ACAP2: variants seen among roughly 807,000 people sequenced by gnomAD.
The protein encoded by ACAP2 is arf-GAP with coiled-coil, ANK repeat and PH domain-containing protein 2.
A neutral mutation model predicts 115.8 loss-of-function variants in ACAP2; 39 were observed. That is an observed-to-expected ratio of 0.34 (90% CI 0.26 to 0.44). ACAP2 has a LOEUF of 0.44. Ranked by LOEUF, ACAP2 falls within the 20% of genes least tolerant of loss-of-function variation. The pLI is 1.00. For missense variants in ACAP2, 662 were observed against 927.6 expected (o/e 0.71, Z 3.72); for synonymous variants, 289 against 315.8 (o/e 0.92, Z 0.90).
chr3:195,365,905 G>C (rs1040861370), intron 4 of ACAP2, among the ~76,000 whole-genome samples: 1 of 149,752 alleles, frequency 6.7e-6, no homozygotes, highest in Non-Finnish European at 1.5e-5. Context: ...TAGGTGGCGC[G>C]ACCTTAGCTC....
At chr3:195,393,887 G>T (rs201392481) in intron 1 of ACAP2, among the ~76,000 whole-genome samples, 21 of 136,626 alleles carry the variant, frequency 1.5e-4, no homozygotes, top group African/African-American at 4.5e-4. Flanking sequence ...ATTATATTGG[G>T]GGGGGGGGAA....
chr3:195,288,204 G>T (rs1489397421), intron 21 of ACAP2, among the ~76,000 whole-genome samples: 2 of 152,012 alleles, frequency 1.3e-5, no homozygotes, highest in Non-Finnish European at 2.9e-5. Context: ...TGGGCTTTAG[G>T]GCCACAATTC....
intron 1 of ACAP2, among the ~76,000 whole-genome samples, chr3:195,420,602 C>T (rs1298214495): frequency 1.3e-5 from 2 of 151,936 alleles, no homozygotes; most frequent in Non-Finnish European, 2.9e-5. Context: ...CTCGGCCTCC[C>T]AAAGTGCTGG....
intron 4 of ACAP2, among the ~76,000 whole-genome samples, chr3:195,347,910 A>C (rs965338956): frequency 8.5e-5 from 13 of 152,052 alleles, no homozygotes; most frequent in Non-Finnish European, 1.8e-4. Context: ...TATTCAAGAG[A>C]CTAAGGCAAG....
chr3:195,278,140 T>C lies in ACAP2; in HGVS notation c.*1188A>G, dbSNP rs1305396316. The C allele has an allele frequency of 6.6e-6, 1 of 151,382 alleles. No homozygotes were observed. The highest frequency in any genetic ancestry group is 1.5e-5 in the Non-Finnish European group (1 of 67,878). 9.4% of individuals were successfully genotyped at this position (151,382 alleles called of 1,614,324 possible). A position where few individuals can be genotyped will look rare whatever the true frequency, so the allele number is the denominator to read the frequency against. ...TTATACTTTAAGACATTTTCAAAGA[T>C]GGAATCAGACTAATTTGTAGCATAT... is the stretch of plus-strand genomic sequence containing the variant. On this transcript the variant is annotated 3_prime_UTR_variant, in exon 23 of 23. Coordinates refer to ENST00000326793, the MANE Select transcript of ACAP2 (RefSeq NM_012287.6).
intron 8 of ACAP2, among the ~76,000 whole-genome samples, chr3:195,327,480 T>C (rs1420696327): frequency 1.3e-5 from 2 of 152,020 alleles, no homozygotes; most frequent in Admixed American, 6.6e-5. Flanking sequence ...GGCTCCCTAA[T>C]GTCATACTCA....
At chr3:195,333,874 G>A (rs1419638672) in intron 7 of ACAP2, among the ~76,000 whole-genome samples, 1 of 152,190 alleles carries the variant, frequency 6.6e-6, no homozygotes, top group Non-Finnish European at 1.5e-5. Context: ...ATAACCTAAA[G>A]TAGGAGAACG....
intron 1 of ACAP2, among the ~76,000 whole-genome samples, chr3:195,420,441 C>T (rs1437792800): frequency 1.3e-5 from 2 of 151,962 alleles, no homozygotes; most frequent in Admixed American, 6.6e-5. Context: ...CTCCGCCTCC[C>T]GGGTTCACGC....
intron 22 of ACAP2, 46 bp from the exon 23 acceptor site, chr3:195,279,474 T>G (rs113284303): frequency 0.05 from 62,571 of 1,245,998 alleles, 1,887 homozygotes; most frequent in Non-Finnish European, 0.06. Flanking sequence ...ACACAAGTAT[T>G]AATCAAACAA....
intron 3 of ACAP2, 70 bp downstream of exon 3, chr3:195,381,833 G>A: frequency 6.6e-7 from 1 of 1,511,810 alleles, no homozygotes; most frequent in Non-Finnish European, 8.9e-7. Flanking sequence ...TCAGGTAGAT[G>A]AATGCACAAT....
intron 1 of ACAP2, among the ~76,000 whole-genome samples, chr3:195,400,775 T>C (rs1176909333): frequency 6.6e-6 from 1 of 152,102 alleles, no homozygotes; most frequent in Non-Finnish European, 1.5e-5. Flanking sequence ...AGAAAGAACA[T>C]TGTGGCTGAT....
intron 1 of ACAP2, among the ~76,000 whole-genome samples, chr3:195,414,765 C>G (rs1196305061): frequency 2.0e-5 from 3 of 152,052 alleles, no homozygotes; most frequent in South Asian, 4.1e-4. Flanking sequence ...AGATGCTTAA[C>G]CAGTATAATC....
intron 9 of ACAP2, 38 bp from the exon 10 acceptor site, chr3:195,320,851 G>T: frequency 7.1e-7 from 1 of 1,414,908 alleles, no homozygotes; most frequent in Non-Finnish European, 9.9e-7. Context: ...CATATGACTT[G>T]ACTAAGTTTC....
chr3:195,308,707 G>A, intron 11 of ACAP2, 79 bp downstream of exon 11: 1 of 1,165,688 alleles, frequency 8.6e-7, no homozygotes, highest in Non-Finnish European at 1.3e-6. Flanking sequence ...AAATGAGTAT[G>A]TATAGACTTC....
At chr3:195,348,805 G>C (rs1650394851) in intron 4 of ACAP2, among the ~76,000 whole-genome samples, 1 of 152,100 alleles carries the variant, frequency 6.6e-6, no homozygotes, top group Admixed American at 6.6e-5. Context: ...AGACATATAA[G>C]GTACCTTCCT....
At chr3:195,365,635 CATA>C (rs1019022892) in intron 4 of ACAP2, among the ~76,000 whole-genome samples, 17 of 151,748 alleles carry the variant, frequency 1.1e-4, no homozygotes, top group Non-Finnish European at 2.4e-4. Flanking sequence ...TTCTCCATGA[CATA>C]ATCATTCCTG....
intron 1 of ACAP2, among the ~76,000 whole-genome samples, chr3:195,439,017 T>C (rs1715800692): frequency 6.6e-6 from 1 of 151,598 alleles, no homozygotes; most frequent in Non-Finnish European, 1.5e-5. Flanking sequence ...GCCGACATCG[T>C]GCCATTGCAC....
At chr3:195,355,334 G>C (rs1434164017) in intron 4 of ACAP2, among the ~76,000 whole-genome samples, 1 of 141,180 alleles carries the variant, frequency 7.1e-6, no homozygotes, top group Non-Finnish European at 1.5e-5. Flanking sequence ...CTTCCTCATG[G>C]ACAGCTAACT....
At chr3:195,318,400 G>A (rs1169889344) in intron 10 of ACAP2, among the ~76,000 whole-genome samples, 1 of 152,218 alleles carries the variant, frequency 6.6e-6, no homozygotes, top group East Asian at 1.9e-4. Flanking sequence ...GGAAAAGTTT[G>A]GAACTTCCAA....
Sources: gnomAD v4.1 joint callset for allele counts (sites outside exome capture counted in the v4.1 genomes callset) on GRCh38, gnomAD v4.1.1 for gene constraint, MANE v1.5 for transcripts, NCBI Gene and HGNC (gene_info 2026-07-23, HGNC 2026-07-21) for gene names.